The following TRAPPC13 variants were observed in gnomAD, a reference collection of about 807,000 sequenced individuals.
TRAPPC13 encodes the protein trafficking protein particle complex subunit 13.
A neutral mutation model predicts 54.0 loss-of-function variants in TRAPPC13; 39 were observed. That is an observed-to-expected ratio of 0.72 (90% CI 0.56 to 0.94). The LOEUF (loss-of-function observed/expected upper bound fraction) is 0.94. Ranked by LOEUF, TRAPPC13 falls within the 40% of genes least tolerant of loss-of-function variation. The pLI, the probability that TRAPPC13 is intolerant of heterozygous loss-of-function variation, is 0.00. For missense variants in TRAPPC13, 386 were observed against 488.1 expected, an observed-to-expected ratio of 0.79 and a Z score of 1.97; for synonymous variants, 148 against 167.7, an observed-to-expected ratio of 0.88 and a Z score of 0.91.
intron 4 of TRAPPC13, among the ~76,000 whole-genome samples, chr5:65,638,016 G>A (rs1359832206): frequency 6.6e-6 from 1 of 151,308 alleles, no homozygotes; most frequent in Non-Finnish European, 1.5e-5. Flanking sequence ...CTACTCGGGA[G>A]GCTAAGGCAG....
chr5:65,628,845 A>G (rs1161107821), intron 1 of TRAPPC13, among the ~76,000 whole-genome samples: 1 of 149,904 alleles, frequency 6.7e-6, no homozygotes, highest in Non-Finnish European at 1.5e-5. Context: ...TTTTAATGAG[A>G]TGAAGTCTTG....
chr5:65,660,344 CAGAAGTT>C (rs1481336811), intron 9 of TRAPPC13, among the ~76,000 whole-genome samples: 1 of 151,230 alleles, frequency 6.6e-6, no homozygotes, highest in African/African-American at 2.4e-5. Flanking sequence ...TCCTTGAACC[CAGAAGTT>C]AGAAGTTACA....
intron 4 of TRAPPC13, among the ~76,000 whole-genome samples, chr5:65,643,818 G>GAAAAA (rs529875913): frequency 2.0e-5 from 1 of 49,968 alleles, no homozygotes. Context: ...CTCCGTCTCA[G>GAAAAA]AAAAAAAAAA....
chr5:65,660,985 A>T, intron 10 of TRAPPC13, 88 bp downstream of exon 10: 1 of 1,111,786 alleles, frequency 9.0e-7, no homozygotes. Context: ...CCAGCAGTAA[A>T]AAATTGGAGC....
intron 8 of TRAPPC13, among the ~76,000 whole-genome samples, chr5:65,656,198 A>G (rs908443519): frequency 2.6e-5 from 4 of 152,248 alleles, no homozygotes; most frequent in African/African-American, 9.6e-5. Flanking sequence ...TACATATGTA[A>G]TAACATCAAC....
At position 65,634,305 on chromosome 5, in the gene TRAPPC13, A is replaced by G. The variant is rs907424327; in HGVS notation, c.47-996A>G. 1.8e-4 allele frequency among the ~76,000 whole-genome samples: 28 copies of G among 152,038 alleles called. 1 individual carries two copies. Among genetic ancestry groups the G allele is most frequent in the Non-Finnish European group, 1.8e-4 (12 of 67,994 alleles). The stretch of plus-strand genomic sequence containing the variant: ...TGGCCACTCCCAGCAATTTCTTTAT[A>G]TAAGTATATCCTATCTTTTTTTTGA... On this transcript the variant is annotated intron_variant, in intron 1 of 12. Coordinates refer to ENST00000399438, the MANE Select transcript of TRAPPC13 (RefSeq NM_024941.4).
rs1757005118 is a variant in TRAPPC13 at position 65,665,405 on chromosome 5, A to G, written c.*794A>G. 6.6e-6 allele frequency: 1 copy of G among 152,198 alleles called. No homozygotes were observed. The highest frequency in any genetic ancestry group is 6.5e-5 in the Admixed American group (1 of 15,280). The allele number at this position is 152,198 out of a possible 1,614,324, so 9.4% of individuals were successfully genotyped here. A position where few individuals can be genotyped will look rare whatever the true frequency, so the allele number is the denominator to read the frequency against. Reference sequence around the variant, plus strand: ...ATAACCTGATATTTGTCAACACAGTATAAGCTTTCTAGTTGTTTTCAAAAT... The same window carrying G: ...ATAACCTGATATTTGTCAACACAGTGTAAGCTTTCTAGTTGTTTTCAAAAT... On this transcript the variant is annotated 3_prime_UTR_variant, in exon 13 of 13. Transcript: ENST00000399438.
chr5:65,625,890 A>G (rs1433726720), intron 1 of TRAPPC13: 1 of 152,240 alleles, frequency 6.6e-6, no homozygotes, highest in Non-Finnish European at 1.5e-5. Flanking sequence ...CTCAATAAAC[A>G]TTCGGGTTCA....
At chr5:65,660,530 C>A (rs1038453250) in intron 9 of TRAPPC13, among the ~76,000 whole-genome samples, 169 bp from the exon 10 acceptor site, 3 of 151,800 alleles carry the variant, frequency 2.0e-5, no homozygotes, top group African/African-American at 7.3e-5. Flanking sequence ...AAAAATAAAT[C>A]ATTGCAGTAT....
In TRAPPC13 at chr5:65,649,857, ATTT is replaced by A. The variant is rs34497762; in HGVS notation, c.429-938_429-936del. 3.6e-3 allele frequency among the ~76,000 whole-genome samples: 479 copies of A among 134,230 alleles called. 5 individuals carry two copies. Among genetic ancestry groups the A allele is most frequent in the African/African-American group, 0.012 (423 of 36,356 alleles). The allele number at this position is 134,230 out of a possible 152,430, so 88.1% of individuals were successfully genotyped here. A position where few individuals can be genotyped will look rare whatever the true frequency, so the allele number is the denominator to read the frequency against. ...CATTTATGTTAAGAAATCTATCTGT[ATTT>A]TTTTTTTTTTTTTTGAGATGGAGTC... is the stretch of plus-strand genomic sequence containing the variant. On this transcript the variant is annotated intron_variant, in intron 5 of 12. Transcript: ENST00000399438.
At chr5:65,647,577 G>T (rs1756259942) in intron 5 of TRAPPC13, among the ~76,000 whole-genome samples, 1 of 151,830 alleles carries the variant, frequency 6.6e-6, no homozygotes, top group African/African-American at 2.4e-5. Context: ...TCTGTCCTGA[G>T]AACTCAGAAA....
chr5:65,633,977 G>GGTTT (rs1755645144), intron 1 of TRAPPC13, among the ~76,000 whole-genome samples: 1 of 60,482 alleles, frequency 1.7e-5, no homozygotes, highest in Admixed American at 2.3e-4. Flanking sequence ...CTCTCCCAGC[G>GGTTT]TTTTTTTTTT....
At chr5:65,631,750 T>A (rs959479918) in intron 1 of TRAPPC13, among the ~76,000 whole-genome samples, 16 of 152,184 alleles carry the variant, frequency 1.1e-4, no homozygotes, top group African/African-American at 3.9e-4. Flanking sequence ...TGGGATCACT[T>A]TATTTTTAAT....
intron 1 of TRAPPC13, among the ~76,000 whole-genome samples, chr5:65,631,770 T>C (rs1334626856): frequency 6.6e-6 from 1 of 152,166 alleles, no homozygotes; most frequent in East Asian, 1.9e-4. Context: ...TGGAGGATCA[T>C]TTTTTACCCA....
chr5:65,658,596 CT>C (rs34351655), intron 9 of TRAPPC13, 95 bp downstream of exon 9: 2 of 1,114,764 alleles, frequency 1.8e-6, no homozygotes, highest in Non-Finnish European at 1.2e-6. Flanking sequence ...TTTTAATAGA[CT>C]TTTTTTAAAG....
Position 65,627,131 on chromosome 5 carries a change from C to CAAAAAAAAAA in TRAPPC13, c.46+2042_46+2051dup, listed in dbSNP as rs60169195. ...TGGGTGACAGAGTGAGACCCTGTCT[C>CAAAAAAAAAA]AAAAAAAAAAAAAAAAAAAAAAAAA... is the stretch of plus-strand genomic sequence containing the variant. On this transcript the variant is annotated intron_variant, in intron 1 of 12. Coordinates refer to ENST00000399438, the MANE Select transcript of TRAPPC13 (RefSeq NM_024941.4). 3.4e-3 allele frequency among the ~76,000 whole-genome samples: 111 copies of CAAAAAAAAAA among 32,554 alleles called. 6 individuals carry two copies. Among genetic ancestry groups the CAAAAAAAAAA allele is most frequent in the Non-Finnish European group, 5.0e-3 (77 of 15,512 alleles). The allele number at this position is 32,554 out of a possible 152,430, so 21.4% of individuals were successfully genotyped here. A position where few individuals can be genotyped will look rare whatever the true frequency, so the allele number is the denominator to read the frequency against.
At chr5:65,659,967 CAAAAAAAAAA>C (rs141876171) in intron 9 of TRAPPC13, among the ~76,000 whole-genome samples, 31 of 95,236 alleles carry the variant, frequency 3.3e-4, no homozygotes, top group African/African-American at 8.6e-4. Flanking sequence ...GTATTTTAAA[CAAAAAAAAAA>C]AAAAAAAAAA....
rs188798494 is a variant in TRAPPC13 at position 65,649,492 on chromosome 5, A to G, written c.429-1318A>G. Among the ~76,000 whole-genome samples, 290 of 152,358 alleles carry G rather than the reference A, an allele frequency of 1.9e-3. 3 individuals are homozygous for G. The highest frequency in any genetic ancestry group is 6.9e-3 in the African/African-American group (286 of 41,586). ...TCTCTAAACCCTCACCAACTCTGAT[A>G]TCACTTATAAAGAATTTTTTCAACT... is the stretch of plus-strand genomic sequence containing the variant. On this transcript the variant is annotated intron_variant, in intron 5 of 12. Transcript: ENST00000399438.
chr5:65,648,543 G>C (rs375904483), intron 5 of TRAPPC13, among the ~76,000 whole-genome samples: 7 of 152,224 alleles, frequency 4.6e-5, no homozygotes, highest in South Asian at 4.1e-4. Flanking sequence ...GTACAATTAA[G>C]CAGCTAGTTT....
Sources: allele counts gnomAD v4.1 joint callset (sites outside exome capture counted in the v4.1 genomes callset), GRCh38; gene constraint gnomAD v4.1.1; transcripts MANE v1.5; gene names NCBI Gene and HGNC (gene_info 2026-07-23, HGNC 2026-07-21).